RNF2: variants seen among roughly 807,000 people sequenced by gnomAD.
The protein encoded by RNF2 is ring finger protein 2, also known as E3 ubiquitin-protein ligase RING2.
RNF2 carries 6 observed loss-of-function variants against 37.2 expected under a neutral mutation model. The ratio of observed to expected loss-of-function variants is 0.16; its 90% CI spans 0.09 to 0.32. The LOEUF (loss-of-function observed/expected upper bound fraction) is 0.32. Ranked by LOEUF, RNF2 falls within the 10% of genes least tolerant of loss-of-function variation. The pLI is 1.00. For synonymous variants in RNF2, 133 were observed against 132.7 expected (o/e 1.00, Z -0.02); for missense variants, 251 against 404.0 (o/e 0.62, Z 3.25).
At chr1:185,069,215 G>A (rs1650892026) in intron 1 of RNF2, among the ~76,000 whole-genome samples, 1 of 152,096 alleles carries the variant, frequency 6.6e-6, no homozygotes, top group African/African-American at 2.4e-5. Context: ...CACTTTGCAA[G>A]GCCAAGGTTG....
intron 1 of RNF2, among the ~76,000 whole-genome samples, chr1:185,083,286 G>A (rs1172910281): frequency 6.6e-6 from 1 of 152,130 alleles, no homozygotes; most frequent in Admixed American, 6.6e-5. Context: ...TTCGTATTTT[G>A]TCAGTTTTCT....
intron 1 of RNF2, among the ~76,000 whole-genome samples, chr1:185,057,258 C>G (rs891989884): frequency 6.6e-6 from 1 of 152,116 alleles, no homozygotes; most frequent in African/African-American, 2.4e-5. Context: ...CTGCAATCAG[C>G]CATGATCACA....
At chr1:185,085,978 A>G (rs1450707462) in intron 1 of RNF2, among the ~76,000 whole-genome samples, 1 of 152,142 alleles carries the variant, frequency 6.6e-6, no homozygotes, top group Non-Finnish European at 1.5e-5. Flanking sequence ...GTATCTTCCA[A>G]TCACAAGCAT....
chr1:185,089,989 G>T lies in RNF2; in HGVS notation c.88-1590G>T, dbSNP rs147383184. 5.8e-3 allele frequency among the ~76,000 whole-genome samples: 884 copies of T among 152,056 alleles called. 30 individuals carry two copies. The East Asian group carries it at 0.085, about 15-fold the overall frequency. Reference sequence around the variant, plus strand: ...TAGGCTGGCATGCAGTGGCGTGATCGCGGCTCACTGCAACCTCTACCTCCC... The same window carrying T: ...TAGGCTGGCATGCAGTGGCGTGATCTCGGCTCACTGCAACCTCTACCTCCC... On this transcript the variant is annotated intron_variant, in intron 2 of 6. Coordinates refer to ENST00000367510, the MANE Select transcript of RNF2 (RefSeq NM_007212.4).
chr1:185,098,707 T>C (rs1283651538), intron 5 of RNF2, among the ~76,000 whole-genome samples: 5 of 152,210 alleles, frequency 3.3e-5, no homozygotes, highest in African/African-American at 7.2e-5. Flanking sequence ...CAAATATTTA[T>C]TGAATGAGGG....
intron 1 of RNF2, among the ~76,000 whole-genome samples, chr1:185,058,112 C>T (rs184244526): frequency 6.6e-5 from 10 of 152,168 alleles, no homozygotes; most frequent in African/African-American, 9.6e-5. Context: ...GCTGACAGAG[C>T]GATACCCCAT....
intron 4 of RNF2, 73 bp from the exon 5 acceptor site, chr1:185,097,998 CA>C: frequency 6.6e-7 from 1 of 1,520,172 alleles, no homozygotes; most frequent in South Asian, 1.2e-5. Flanking sequence ...AGTTCAGTAG[CA>C]AACATGCTTC....
intron 1 of RNF2, among the ~76,000 whole-genome samples, chr1:185,058,317 G>T (rs1442110988): frequency 3.3e-5 from 5 of 152,206 alleles, no homozygotes; most frequent in African/African-American, 1.2e-4. Context: ...TGGTGTCTGT[G>T]GTGTGCGGGG....
intron 1 of RNF2, among the ~76,000 whole-genome samples, chr1:185,083,637 G>A (rs995497666): frequency 2.0e-5 from 3 of 151,730 alleles, no homozygotes; most frequent in Non-Finnish European, 2.9e-5. Flanking sequence ...ACTATTATTA[G>A]GTGTATTTTT....
intron 1 of RNF2, among the ~76,000 whole-genome samples, chr1:185,050,338 C>G (rs138141542): frequency 0.013 from 2,000 of 152,352 alleles, 68 homozygotes; most frequent in Admixed American, 0.07. Flanking sequence ...CAGCAACCAA[C>G]TTGCCTCTTC....
intron 5 of RNF2, among the ~76,000 whole-genome samples, chr1:185,098,808 G>A (rs1215072163): frequency 6.6e-6 from 1 of 151,618 alleles, no homozygotes; most frequent in East Asian, 1.9e-4. Flanking sequence ...CTGGAGTGCA[G>A]TGGCGCGATC....
At chr1:185,099,155 G>A (rs867565564) in intron 5 of RNF2, among the ~76,000 whole-genome samples, 27 of 151,018 alleles carry the variant, frequency 1.8e-4, no homozygotes, top group African/African-American at 4.1e-4. Flanking sequence ...GAGTTCAAGC[G>A]ATTCTCCTGC....
chr1:185,091,126 A>G (rs1167864242), intron 2 of RNF2, among the ~76,000 whole-genome samples: 1 of 152,244 alleles, frequency 6.6e-6, no homozygotes, highest in Non-Finnish European at 1.5e-5. Flanking sequence ...AACATAATTT[A>G]TTGTGAAAAT....
At chr1:185,054,081 C>G (rs74684837) in intron 1 of RNF2, among the ~76,000 whole-genome samples, 3,166 of 152,066 alleles carry the variant, frequency 0.021, 106 homozygotes, top group African/African-American at 0.071. Flanking sequence ...TGTACTTATT[C>G]TTTATAACTA....
At chr1:185,056,127 C>T (rs1043018467) in intron 1 of RNF2, among the ~76,000 whole-genome samples, 13 of 151,972 alleles carry the variant, frequency 8.6e-5, no homozygotes, top group African/African-American at 2.9e-4. Flanking sequence ...ATTTGTTAGT[C>T]TTCTGAAATA....
intron 1 of RNF2, among the ~76,000 whole-genome samples, chr1:185,047,924 A>G (rs999333247): frequency 6.6e-6 from 1 of 152,246 alleles, no homozygotes; most frequent in African/African-American, 2.4e-5. Context: ...CTAAGCTGTC[A>G]TAGTAACTTA....
chr1:185,095,627 A>C (rs528405212), intron 4 of RNF2, among the ~76,000 whole-genome samples: 1 of 152,188 alleles, frequency 6.6e-6, no homozygotes, highest in African/African-American at 2.4e-5. Flanking sequence ...ATTATTTAGA[A>C]CCATGCTTGG....
chr1:185,095,221 ACT>A (rs1651878139), intron 4 of RNF2, among the ~76,000 whole-genome samples: 1 of 152,000 alleles, frequency 6.6e-6, no homozygotes, highest in African/African-American at 2.4e-5. Context: ...TAAAAGCAAG[ACT>A]CTCCTTGTAA....
intron 4 of RNF2, among the ~76,000 whole-genome samples, chr1:185,093,878 A>G (rs1651838717): frequency 6.6e-6 from 1 of 151,890 alleles, no homozygotes; most frequent in Non-Finnish European, 1.5e-5. Context: ...TTTTCAATAC[A>G]AAATCTGTCT....
Sources: allele counts gnomAD v4.1 joint callset (sites outside exome capture counted in the v4.1 genomes callset), GRCh38; gene constraint gnomAD v4.1.1; transcripts MANE v1.5; gene names NCBI Gene and HGNC (gene_info 2026-07-23, HGNC 2026-07-21).